Variants in PTPN14 observed in about 807,000 individuals in gnomAD.
The protein encoded by PTPN14 is tyrosine-protein phosphatase non-receptor type 14.
Under a neutral mutation model 126.8 loss-of-function variants are expected in PTPN14, and 53 were observed. That is an observed-to-expected ratio of 0.42 (90% CI 0.34 to 0.53). The LOEUF (loss-of-function observed/expected upper bound fraction) is 0.53, where lower values mean the gene tolerates loss of function less well. Among genes scored for constraint, PTPN14 ranks in the 20% least tolerant of loss-of-function variants. The probability of loss-of-function intolerance (pLI) is 0.08; values close to 1 mark genes in which losing one functional copy is unlikely to be tolerated. For synonymous variants in PTPN14, 630 were observed against 599.3 expected (o/e 1.05, Z -0.75); for missense variants, 1,257 against 1,552.9 (o/e 0.81, Z 3.20).
intron 16 of PTPN14, among the ~76,000 whole-genome samples, chr1:214,370,095 A>G (rs1658181272): frequency 1.3e-5 from 2 of 152,208 alleles, no homozygotes; most frequent in Admixed American, 1.3e-4. Flanking sequence ...CCTGGCTAAC[A>G]TGGTGAAACC....
At position 214,350,707 on chromosome 1, in the gene PTPN14, A is replaced by ACTTTTTTTTT. The variant is rs1657688198; in HGVS notation, c.*7214_*7215insAAAAAAAAAG. 2.7e-5 allele frequency: 2 copies of ACTTTTTTTTT among 74,554 alleles called. No homozygotes were observed. Among genetic ancestry groups the ACTTTTTTTTT allele is most frequent in the Non-Finnish European group, 4.6e-5 (2 of 43,644 alleles). 4.6% of individuals were successfully genotyped at this position (74,554 alleles called of 1,614,324 possible). On this transcript the variant is annotated 3_prime_UTR_variant, in exon 19 of 19. Transcript: ENST00000366956. ...AGGCATGTGCCACCATGCCTGGCTA[A>ACTTTTTTTTT]TTTTTTTTTTTTTTTTTTTTTTTGT...
chr1:214,420,969 A>G (rs1381449422), intron 3 of PTPN14, among the ~76,000 whole-genome samples: 1 of 152,196 alleles, frequency 6.6e-6, no homozygotes, highest in Non-Finnish European at 1.5e-5. Flanking sequence ...TGTCTTAAAA[A>G]TCTCCAATGA....
chr1:214,442,926 C>T (rs1461841470), intron 3 of PTPN14, among the ~76,000 whole-genome samples: 4 of 151,830 alleles, frequency 2.6e-5, no homozygotes, highest in Non-Finnish European at 5.9e-5. Context: ...TGGGTTCAAG[C>T]GATTCTCCCG....
At chr1:214,535,392 C>T (rs2102476233) in intron 1 of PTPN14, among the ~76,000 whole-genome samples, 1 of 152,276 alleles carries the variant, frequency 6.6e-6, no homozygotes, top group African/African-American at 2.4e-5. Context: ...ATTATTCAAC[C>T]TTTCACATGT....
chr1:214,363,772 T>C (rs1658008557), intron 18 of PTPN14, among the ~76,000 whole-genome samples: 1 of 152,226 alleles, frequency 6.6e-6, no homozygotes. Flanking sequence ...TTAAAACTTC[T>C]AATGTCCCAC....
At chr1:214,392,418 T>G (rs1658777727) in intron 10 of PTPN14, among the ~76,000 whole-genome samples, 1 of 152,100 alleles carries the variant, frequency 6.6e-6, no homozygotes, top group African/African-American at 2.4e-5. Context: ...ACTCCGTAAA[T>G]TTTATAGTAA....
intron 1 of PTPN14, among the ~76,000 whole-genome samples, chr1:214,494,544 T>G (rs1312287898): frequency 6.6e-6 from 1 of 152,234 alleles, no homozygotes; most frequent in Non-Finnish European, 1.5e-5. Context: ...CCTGCCAAGT[T>G]AGCCAACTTT....
rs1658572481 is a variant in PTPN14, at chr1:214,384,869, CTT to C, written c.1067-83_1067-82del. 6.7e-7 allele frequency: 1 copy of C among 1,489,458 alleles called. No homozygotes were observed. Among genetic ancestry groups the C allele is most frequent in the Non-Finnish European group, 9.0e-7 (1 of 1,111,016 alleles). 92.3% of individuals were successfully genotyped at this position (1,489,458 alleles called of 1,614,324 possible). On this transcript the variant is annotated intron_variant, in intron 12 of 18. Transcript: ENST00000366956. This position sits in a 1 kb window ranked among gnomAD's most constrained non-coding sequence, Gnocchi z 5.3. The stretch of plus-strand genomic sequence containing the variant: ...GTACATCCTCATACTCATGAGGTGA[CTT>C]TTAATTTAAACAAATCATAAAAAGT...
chr1:214,528,261 A>C (rs956747896), intron 1 of PTPN14: 3 of 152,222 alleles, frequency 2.0e-5, no homozygotes, highest in Admixed American at 1.3e-4. Flanking sequence ...GAAAGAAAAA[A>C]AGACACTATA....
chr1:214,402,629 C>CCAAG, intron 6 of PTPN14, among the ~76,000 whole-genome samples: 1 of 47,592 alleles, frequency 2.1e-5, no homozygotes. Context: ...CCCAGATTCT[C>CCAAG]TAAGGAAGGA....
intron 3 of PTPN14, among the ~76,000 whole-genome samples, chr1:214,435,784 T>G (rs4655346): frequency 0.46 from 70,086 of 152,028 alleles, 16,717 homozygotes; most frequent in African/African-American, 0.58. Flanking sequence ...ACACTGCTGG[T>G]GGGAATGTAA....
intron 1 of PTPN14, among the ~76,000 whole-genome samples, chr1:214,481,207 A>T (rs1660977077): frequency 6.6e-6 from 1 of 152,230 alleles, no homozygotes; most frequent in Admixed American, 6.5e-5. Flanking sequence ...AAACAAATGC[A>T]GCACAAGAAT....
chr1:214,500,986 T>C (rs1163326469), intron 1 of PTPN14, among the ~76,000 whole-genome samples: 4 of 152,158 alleles, frequency 2.6e-5, no homozygotes, highest in Non-Finnish European at 5.9e-5. Context: ...AATGAAAAGA[T>C]TCACCATGCC....
chr1:214,530,488 T>C (rs1443083796), intron 1 of PTPN14: 1 of 151,878 alleles, frequency 6.6e-6, no homozygotes, highest in Non-Finnish European at 1.5e-5. Context: ...ACTACAGGGG[T>C]GCACCACCAT....
intron 1 of PTPN14, among the ~76,000 whole-genome samples, chr1:214,469,827 C>CGGG (rs34975154): frequency 1.4e-5 from 2 of 143,172 alleles, no homozygotes; most frequent in Non-Finnish European, 3.0e-5. Flanking sequence ...TGGGGAAAGG[C>CGGG]GGGGGTATGT....
At position 214,532,323 on chromosome 1, in the gene PTPN14, G is replaced by A. The variant is rs142601276; in HGVS notation, c.-155+18860C>T. On this transcript the variant is annotated intron_variant, in intron 1 of 18. Transcript: ENST00000366956. Reference sequence around the variant, plus strand: ...CAGGGGCTCTGGTTTCCAGATCTCCGTGTCCTGCTACACCAGCTTCTGGGA... The same window carrying A: ...CAGGGGCTCTGGTTTCCAGATCTCCATGTCCTGCTACACCAGCTTCTGGGA... 6.3e-4 allele frequency: 330 copies of A among 521,482 alleles called. 3 individuals carry two copies. The East Asian group carries it at 0.012, about 19-fold the overall frequency. 32.3% of individuals were successfully genotyped at this position (521,482 alleles called of 1,614,324 possible).
At chr1:214,541,848 TA>T (rs1176089684) in intron 1 of PTPN14, among the ~76,000 whole-genome samples, 2 of 152,296 alleles carry the variant, frequency 1.3e-5, no homozygotes, top group East Asian at 3.9e-4. Flanking sequence ...CAGACAAAAA[TA>T]AATGAGACTT....
At chr1:214,380,738 C>T (rs1658453295) in intron 13 of PTPN14, among the ~76,000 whole-genome samples, 1 of 152,204 alleles carries the variant, frequency 6.6e-6, no homozygotes, top group African/African-American at 2.4e-5. Context: ...ATCAAGCTGG[C>T]AAAAGCTGCC....
intron 3 of PTPN14, among the ~76,000 whole-genome samples, chr1:214,422,268 C>T (rs759689917): frequency 6.6e-6 from 1 of 152,132 alleles, no homozygotes; most frequent in Non-Finnish European, 1.5e-5. Flanking sequence ...TTTTAAATGA[C>T]TTAAACTGAT....
Sources: gnomAD v4.1 joint callset for allele counts (sites outside exome capture counted in the v4.1 genomes callset) on GRCh38, gnomAD v4.1.1 for gene constraint, Gnocchi (gnomAD v3.1) non-coding constraint, MANE v1.5 for transcripts, NCBI Gene and HGNC (gene_info 2026-07-23, HGNC 2026-07-21) for gene names.